ZBTB20: variants seen among roughly 807,000 people sequenced by gnomAD.
ZBTB20 encodes the protein zinc finger and BTB domain-containing protein 20.
In ZBTB20, 9 loss-of-function variants were observed where a neutral mutation model predicts 56.9. The observed-to-expected ratio is 0.16, with a 90% CI of 0.10 to 0.28. The LOEUF is 0.28. Among genes scored for constraint, ZBTB20 ranks in the 10% least tolerant of loss-of-function variants. ZBTB20 has a pLI of 1.00. For synonymous variants in ZBTB20, 417 were observed against 420.7 expected, an observed-to-expected ratio of 0.99 and a Z score of 0.11; for missense variants, 655 against 1,003.0, an observed-to-expected ratio of 0.65 and a Z score of 4.69.
chr3:114,384,263 C>G (rs1576509565), intron 8 of ZBTB20, among the ~76,000 whole-genome samples: 1 of 151,782 alleles, frequency 6.6e-6, no homozygotes, highest in African/African-American at 2.4e-5. Flanking sequence ...AAAAGTTAGA[C>G]AAGCCAACAA....
At position 114,315,947 on chromosome 3, in the gene ZBTB20, A is replaced by G. The variant is rs1207945450; in HGVS notation, c.*23058T>C. 1 of 156,676 alleles carries G rather than the reference A, an allele frequency of 6.4e-6. No individual in the cohort carries two copies. The allele number at this position is 156,676 out of a possible 1,614,324, so 9.7% of individuals were successfully genotyped here. On this transcript the variant is annotated 3_prime_UTR_variant, in exon 12 of 12. Coordinates refer to ENST00000675478, the MANE Select transcript of ZBTB20 (RefSeq NM_001348800.3). ...TGGATGGCCACGTTAAGGTGCTTCA[A>G]AAAAGGTTTTTTGTTTTTTTGTTTT... is the stretch of plus-strand genomic sequence containing the variant.
intron 7 of ZBTB20, among the ~76,000 whole-genome samples, chr3:114,398,538 G>C (rs927833984): frequency 6.6e-6 from 1 of 152,082 alleles, no homozygotes; most frequent in Non-Finnish European, 1.5e-5. Flanking sequence ...GTGGATAAAG[G>C]CTAGATACAG....
intron 4 of ZBTB20, among the ~76,000 whole-genome samples, chr3:114,894,045 C>T (rs2107641708): frequency 6.6e-6 from 1 of 152,270 alleles, no homozygotes; most frequent in South Asian, 2.1e-4. Flanking sequence ...ACAACAACAA[C>T]AACAAAACAC....
intron 10 of ZBTB20, among the ~76,000 whole-genome samples, chr3:114,360,420 C>T (rs1201738085): frequency 6.7e-6 from 1 of 150,020 alleles, no homozygotes; most frequent in African/African-American, 2.5e-5. Flanking sequence ...CTCCAGCTCA[C>T]TGCAACCTCT....
rs1391388744 is a variant in ZBTB20 at position 114,750,160 on chromosome 3, TA to T, written c.-343+50940del. ...AGTCTTGCTCCCCAAATCCGGATCATAAAGACCTTCTATCATAAAGGATAAG... is the reference window on the plus strand; with the variant it reads ...AGTCTTGCTCCCCAAATCCGGATCATAAGACCTTCTATCATAAAGGATAAG... On this transcript the variant is annotated intron_variant, in intron 5 of 11. Coordinates refer to ENST00000675478, the MANE Select transcript of ZBTB20 (RefSeq NM_001348800.3). Among the ~76,000 whole-genome samples, 7 of 152,264 alleles carry T rather than the reference TA, an allele frequency of 4.6e-5. No individual in the cohort carries two copies. The East Asian group carries it at 1.4e-3, about 29-fold the overall frequency.
chr3:114,948,398 T>C (rs1250956536), intron 3 of ZBTB20, among the ~76,000 whole-genome samples: 1 of 146,026 alleles, frequency 6.8e-6, no homozygotes, highest in East Asian at 1.9e-4. Flanking sequence ...TCCTAGCTAG[T>C]GCACACAAGT....
intron 5 of ZBTB20, among the ~76,000 whole-genome samples, chr3:114,784,511 A>C (rs2070349170): frequency 6.6e-6 from 1 of 152,216 alleles, no homozygotes; most frequent in African/African-American, 2.4e-5. Context: ...AATATAGTGA[A>C]AATGTCCTCA....
intron 6 of ZBTB20, among the ~76,000 whole-genome samples, chr3:114,655,070 T>A (rs1183218156): frequency 6.6e-6 from 1 of 152,102 alleles, no homozygotes; most frequent in African/African-American, 2.4e-5. Flanking sequence ...ATATGTTGAC[T>A]CTTGCCTTTT....
At chr3:114,673,345 A>G (rs962022492) in intron 6 of ZBTB20, among the ~76,000 whole-genome samples, 1 of 152,076 alleles carries the variant, frequency 6.6e-6, no homozygotes, top group African/African-American at 2.4e-5. Flanking sequence ...TGATATAAGG[A>G]TTAATTCCTA....
At chr3:114,591,810 C>T (rs1283229681) in intron 6 of ZBTB20, among the ~76,000 whole-genome samples, 1 of 152,156 alleles carries the variant, frequency 6.6e-6, no homozygotes, top group African/African-American at 2.4e-5. Flanking sequence ...ACTTATCTCT[C>T]AAATTGTTGT....
At chr3:114,892,207 T>G (rs929169559) in intron 4 of ZBTB20, among the ~76,000 whole-genome samples, 2 of 152,224 alleles carry the variant, frequency 1.3e-5, no homozygotes, top group African/African-American at 2.4e-5. Flanking sequence ...TTTAGAGAGA[T>G]AGCTCCATTT....
Position 114,326,558 on chromosome 3 carries a change from T to TAAAAATAAAAGAAATAAAA in ZBTB20, c.*12446_*12447insTTTTATTTCTTTTATTTTT, listed in dbSNP as rs1175320175. ...ATAATACAGTAAGGGTGAGCAGTTA[T>TAAAAATAAAAGAAATAAAA]TTGACTGTCCATGGACAGTAACAAA... On this transcript the variant is annotated 3_prime_UTR_variant, in exon 12 of 12. Transcript: ENST00000675478. 2.6e-5 allele frequency: 4 copies of TAAAAATAAAAGAAATAAAA among 152,162 alleles called. No individual in the cohort carries two copies. The highest frequency in any genetic ancestry group is 9.7e-5 in the African/African-American group (4 of 41,444). The allele number at this position is 152,162 out of a possible 1,614,324, so 9.4% of individuals were successfully genotyped here.
intron 7 of ZBTB20, among the ~76,000 whole-genome samples, chr3:114,465,018 T>C (rs546922154): frequency 1.3e-5 from 2 of 151,578 alleles, no homozygotes; most frequent in Admixed American, 1.3e-4. Context: ...TCCCTTCAAA[T>C]AGAACTAAGT....
At chr3:114,784,123 T>A (rs1381863851) in intron 5 of ZBTB20, among the ~76,000 whole-genome samples, 1 of 152,212 alleles carries the variant, frequency 6.6e-6, no homozygotes, top group Non-Finnish European at 1.5e-5. Context: ...AATTCTAGAT[T>A]TTTTAAAGCA....
chr3:114,367,383 C>A (rs2082524878), intron 10 of ZBTB20, among the ~76,000 whole-genome samples: 1 of 152,166 alleles, frequency 6.6e-6, no homozygotes, highest in African/African-American at 2.4e-5. Context: ...CCTCCCACCT[C>A]AAATTCCCAA....
chr3:115,090,770 T>C (rs1236817095), intron 1 of ZBTB20, among the ~76,000 whole-genome samples: 1 of 151,928 alleles, frequency 6.6e-6, no homozygotes, highest in African/African-American at 2.4e-5. Flanking sequence ...GTGAGGTAGA[T>C]AGGAAAGGTA....
At chr3:114,501,542 C>T (rs1031745389) in intron 6 of ZBTB20, among the ~76,000 whole-genome samples, 34 of 148,980 alleles carry the variant, frequency 2.3e-4, no homozygotes, top group East Asian at 1.2e-3. Context: ...AGGAGAATTG[C>T]TTGAACCTGG....
At chr3:114,850,677 A>C (rs1161449911) in intron 4 of ZBTB20, among the ~76,000 whole-genome samples, 2 of 152,216 alleles carry the variant, frequency 1.3e-5, no homozygotes, top group African/African-American at 4.8e-5. Context: ...TCAAAGTGTA[A>C]TCACTGTGTT....
At chr3:114,371,194 A>G (rs1237717274) in intron 10 of ZBTB20, among the ~76,000 whole-genome samples, 1 of 152,230 alleles carries the variant, frequency 6.6e-6, no homozygotes, top group Non-Finnish European at 1.5e-5. Context: ...CAGTCTTTCA[A>G]AAGAGCTCAA....
Sources: gnomAD v4.1 joint callset for allele counts (sites outside exome capture counted in the v4.1 genomes callset) on GRCh38, gnomAD v4.1.1 for gene constraint, MANE v1.5 for transcripts, NCBI Gene and HGNC (gene_info 2026-07-23, HGNC 2026-07-21) for gene names.